UBR3: variants seen among roughly 807,000 people sequenced by gnomAD.
UBR3 encodes ubiquitin protein ligase E3 component n-recognin 3, also known as E3 ubiquitin-protein ligase UBR3.
A neutral mutation model predicts 243.2 loss-of-function variants in UBR3; 85 were observed. The observed-to-expected ratio is 0.35, with a 90% CI of 0.29 to 0.42. UBR3 has a LOEUF of 0.42. UBR3 is among the 10% of genes least tolerant of loss of function. The pLI is 1.00. For synonymous variants in UBR3, 748 were observed against 799.8 expected, an observed-to-expected ratio of 0.94 and a Z score of 1.09; for missense variants, 1,686 against 2,300.8, an observed-to-expected ratio of 0.73 and a Z score of 5.47.
chr2:169,949,408 A>G, intron 22 of UBR3, 197 bp from the exon 23 acceptor site: 1 of 495,874 alleles, frequency 2.0e-6, no homozygotes, highest in Non-Finnish European at 3.5e-6. Flanking sequence ...CCTCCTTATT[A>G]CTGTTTCTAG....
chr2:169,870,784 G>T (rs959566888), intron 1 of UBR3, among the ~76,000 whole-genome samples: 2 of 151,930 alleles, frequency 1.3e-5, no homozygotes, highest in Admixed American at 6.5e-5. Flanking sequence ...CTCCCAAGTA[G>T]CTGGGACTAC....
chr2:170,065,765 T>C (rs933084984), intron 35 of UBR3, among the ~76,000 whole-genome samples: 3 of 152,108 alleles, frequency 2.0e-5, no homozygotes, highest in Non-Finnish European at 4.4e-5. Context: ...ACTTGCAAAG[T>C]TTTTTATTCT....
chr2:169,943,695 C>A (rs1333041917), intron 20 of UBR3, among the ~76,000 whole-genome samples: 1 of 151,762 alleles, frequency 6.6e-6, no homozygotes, highest in Admixed American at 6.6e-5. Context: ...CAGGTAGATA[C>A]AAAGAAAACC....
intron 11 of UBR3, among the ~76,000 whole-genome samples, chr2:169,916,329 T>C (rs1024188248): frequency 3.9e-5 from 6 of 152,302 alleles, no homozygotes; most frequent in African/African-American, 1.4e-4. Context: ...TAAATACATA[T>C]TTATGTATGA....
chr2:170,006,794 T>TA (rs1440908414), intron 27 of UBR3, among the ~76,000 whole-genome samples, 196 bp from the exon 28 acceptor site: 2 of 152,210 alleles, frequency 1.3e-5, no homozygotes, highest in Non-Finnish European at 2.9e-5. Context: ...GGGCAAGTGT[T>TA]ACGTAATTGC....
chr2:170,014,090 G>A (rs975199474), intron 29 of UBR3: 9 of 289,330 alleles, frequency 3.1e-5, no homozygotes, highest in African/African-American at 4.5e-5. Flanking sequence ...GAACGTTATC[G>A]GTGTTAAATT....
At chr2:169,997,507 A>G (rs2089538756) in intron 26 of UBR3, among the ~76,000 whole-genome samples, 1 of 152,052 alleles carries the variant, frequency 6.6e-6, no homozygotes. Flanking sequence ...GAAGGGTCAC[A>G]GCTCTTCACT....
At chr2:170,017,546 GACACACACACACAC>G (rs34813217) in intron 30 of UBR3, among the ~76,000 whole-genome samples, 16 of 125,828 alleles carry the variant, frequency 1.3e-4, no homozygotes, top group African/African-American at 3.8e-4. Flanking sequence ...CACACACACA[GACACACACACACAC>G]ACACACACAC....
chr2:169,966,784 G>T (rs1225897207), intron 24 of UBR3, among the ~76,000 whole-genome samples: 1 of 152,068 alleles, frequency 6.6e-6, no homozygotes, highest in African/African-American at 2.4e-5. Context: ...GAATAGAATG[G>T]TACATAATAA....
intron 32 of UBR3, among the ~76,000 whole-genome samples, chr2:170,049,208 A>G (rs1264388395): frequency 1.3e-5 from 2 of 152,254 alleles, no homozygotes; most frequent in Admixed American, 1.3e-4. Flanking sequence ...AATTTATGTT[A>G]TATGTATTAC....
intron 32 of UBR3, 114 bp from the exon 33 acceptor site, chr2:170,055,346 A>G: frequency 1.6e-6 from 2 of 1,232,570 alleles, no homozygotes; most frequent in Admixed American, 2.3e-5. Context: ...AAAACTATTA[A>G]GTGTTGAAAA....
intron 8 of UBR3, among the ~76,000 whole-genome samples, chr2:169,900,045 A>T (rs1228833419): frequency 1.3e-5 from 2 of 152,162 alleles, no homozygotes; most frequent in Non-Finnish European, 2.9e-5. Context: ...TGGTATTTCT[A>T]GTTCTAGATC....
At chr2:169,922,756 A>G (rs191579042) in intron 11 of UBR3, among the ~76,000 whole-genome samples, 89 of 152,104 alleles carry the variant, frequency 5.9e-4, no homozygotes, top group African/African-American at 2.1e-3. Context: ...AGGTTTATTC[A>G]TGTTACAGAA....
chr2:169,958,399 C>A, intron 23 of UBR3, 39 bp from the exon 24 acceptor site: 1 of 1,580,382 alleles, frequency 6.3e-7, no homozygotes, highest in African/African-American at 1.4e-5. Flanking sequence ...AGGTCTTAAG[C>A]GCATCTGATA....
At chr2:170,042,255 A>G (rs1373754140) in intron 32 of UBR3, among the ~76,000 whole-genome samples, 1 of 152,022 alleles carries the variant, frequency 6.6e-6, no homozygotes, top group Non-Finnish European at 1.5e-5. Flanking sequence ...TCCTTCACTT[A>G]GCATGTTTTC....
intron 25 of UBR3, among the ~76,000 whole-genome samples, chr2:169,994,088 C>G (rs1227644328): frequency 6.6e-6 from 1 of 152,288 alleles, no homozygotes; most frequent in East Asian, 1.9e-4. Context: ...ATCCATCCAT[C>G]TTGAGTTTAT....
chr2:169,991,096 G>A (rs2089255971), intron 25 of UBR3, among the ~76,000 whole-genome samples: 1 of 152,050 alleles, frequency 6.6e-6, no homozygotes, highest in African/African-American at 2.4e-5. Context: ...TGTAAGTTAA[G>A]AATTGTTACA....
At chr2:169,855,941 C>A (rs1296732568) in intron 1 of UBR3, among the ~76,000 whole-genome samples, 1 of 149,784 alleles carries the variant, frequency 6.7e-6, no homozygotes, top group Non-Finnish European at 1.5e-5. Context: ...GAGGCGCCCC[C>A]CACCTCCCGG....
At chr2:169,985,686 G>T (rs577657507) in intron 24 of UBR3, among the ~76,000 whole-genome samples, 5 of 152,032 alleles carry the variant, frequency 3.3e-5, no homozygotes, top group African/African-American at 9.6e-5. Flanking sequence ...TTTCTTTGTG[G>T]CATCTTTTTA....
Sources: allele counts gnomAD v4.1 joint callset (sites outside exome capture counted in the v4.1 genomes callset), GRCh38; gene constraint gnomAD v4.1.1; transcripts MANE v1.5; gene names NCBI Gene and HGNC (gene_info 2026-07-23, HGNC 2026-07-21).